The following SHH variants were observed in gnomAD, a reference collection of about 807,000 sequenced individuals.
SHH encodes sonic hedgehog signaling molecule.
SHH carries 3 observed loss-of-function variants against 16.6 expected under a neutral mutation model. The observed-to-expected ratio is 0.18, with a 90% CI of 0.08 to 0.47. SHH has a LOEUF of 0.47. Ranked by LOEUF, SHH falls within the 20% of genes least tolerant of loss-of-function variation. The pLI is 0.98. For missense variants in SHH, 499 were observed against 665.0 expected (o/e 0.75, Z 2.75); for synonymous variants, 351 against 316.2 (o/e 1.11, Z -1.17).
chr7:155,802,881 C>CA lies in SHH; in HGVS notation c.*18_*19insT. Reference sequence around the variant, plus strand: ...CCCCGCCCCGCCCCCTCCCGCGCCCCTCCCCCGGCCCCCCGGCTTCAGCTG... The same window carrying CA: ...CCCCGCCCCGCCCCCTCCCGCGCCCCATCCCCCGGCCCCCCGGCTTCAGCTG... On this transcript the variant is annotated 3_prime_UTR_variant, in exon 3 of 3. Coordinates refer to ENST00000297261, the MANE Select transcript of SHH (RefSeq NM_000193.4). The CA allele has an allele frequency of 1.5e-6, 2 of 1,295,980 alleles. No homozygotes were observed. Among genetic ancestry groups the CA allele is most frequent in the Non-Finnish European group, 2.0e-6 (2 of 1,005,218 alleles). 80.3% of individuals were successfully genotyped at this position (1,295,980 alleles called of 1,614,324 possible).
In SHH at chr7:155,803,088, T is replaced by G. The variant is rs1293200150; in HGVS notation, c.1201A>C (p.Ser401Arg). The G allele has an allele frequency of 1.5e-6, 2 of 1,351,674 alleles. No individual in the cohort carries two copies. The highest frequency in any genetic ancestry group is 1.5e-5 in the African/African-American group (1 of 65,756). 83.7% of individuals were successfully genotyped at this position (1,351,674 alleles called of 1,614,324 possible). ...APARTDRGGD[S>R]GGGDRGGGGG... ...CCGCCCCCGCGGTCCCCGCCGCCGC[T>G]GTCCCCGCCGCGGTCCGTGCGCGCG... The change falls in exon 3 of 3, where the codon AGC becomes CGC. Residue 401 changes from serine (S) to arginine (R), a missense_variant. Ser to Arg is a moderately radical substitution (Grantham distance 110). Coordinates refer to ENST00000297261, the MANE Select transcript of SHH (RefSeq NM_000193.4).
intron 1 of SHH, 73 bp downstream of exon 1, chr7:155,811,750 A>G: frequency 7.0e-7 from 1 of 1,437,702 alleles, no homozygotes; most frequent in Non-Finnish European, 9.8e-7. Context: ...AACAGAGTTA[A>G]GTCTGGAAGT....
chr7:155,804,172 G>A (rs561513864), intron 2 of SHH, among the ~76,000 whole-genome samples: 1 of 151,600 alleles, frequency 6.6e-6, no homozygotes, highest in African/African-American at 2.4e-5. Flanking sequence ...GCCCCGGCGC[G>A]GGGCGCGGCG....
Position 155,800,591 on chromosome 7 carries a change from G to A in SHH, c.*2309C>T. Reference sequence around the variant, plus strand: ...TTCGCTTTCGACTGACTTGAAATCAGACTGAACTGTCAAAAGAACAGAAAC... The same window carrying A: ...TTCGCTTTCGACTGACTTGAAATCAAACTGAACTGTCAAAAGAACAGAAAC... On this transcript the variant is annotated 3_prime_UTR_variant, in exon 3 of 3. Coordinates refer to ENST00000297261, the MANE Select transcript of SHH (RefSeq NM_000193.4). 1 of 470,894 alleles carries A rather than the reference G, an allele frequency of 2.1e-6. No individual in the cohort carries two copies. The highest frequency in any genetic ancestry group is 4.4e-6 in the Non-Finnish European group (1 of 227,042). The allele number at this position is 470,894 out of a possible 1,614,324, so 29.2% of individuals were successfully genotyped here.
chr7:155,805,755 T>C (rs1803342194), intron 2 of SHH, among the ~76,000 whole-genome samples: 1 of 152,154 alleles, frequency 6.6e-6, no homozygotes, highest in Non-Finnish European at 1.5e-5. Flanking sequence ...CGCCTCCAGA[T>C]GCTGGAGGTG....
chr7:155,802,862 C>T lies in SHH; in HGVS notation c.*38G>A, dbSNP rs749390570. ...CTTTGCGTTGCTGTTGCTGCCCCGC[C>T]CCGCCCCCTCCCGCGCCCCTCCCCC... is the stretch of plus-strand genomic sequence containing the variant. On this transcript the variant is annotated 3_prime_UTR_variant, in exon 3 of 3. Transcript: ENST00000297261. 2 of 544,004 alleles carry T rather than the reference C, an allele frequency of 3.7e-6. No homozygotes were observed. Among genetic ancestry groups the T allele is most frequent in the African/African-American group, 2.0e-5 (1 of 50,268 alleles). 33.7% of individuals were successfully genotyped at this position (544,004 alleles called of 1,614,324 possible).
At position 155,806,363 on chromosome 7, in the gene SHH, C is replaced by T. The variant is rs753150772; in HGVS notation, c.495G>A (p.Ala165=). The part of the protein sequence containing the change: ...RSKYGMLARL[A]VEAGFDWVYY... ...ACACCCAGTCGAAGCCGGCCTCCAC[C>T]GCCAGGCGGGCCAGCATGCCGTACT... is the stretch of plus-strand genomic sequence containing the variant. Residue 165 remains alanine, a synonymous_variant, in exon 2 of 3, where the codon GCG becomes GCA. Coordinates refer to ENST00000297261, the MANE Select transcript of SHH (RefSeq NM_000193.4). 2 of 1,613,598 alleles carry T rather than the reference C, an allele frequency of 1.2e-6. No individual in the cohort carries two copies. The highest frequency in any genetic ancestry group is 2.2e-5 in the East Asian group (1 of 44,888).
intron 1 of SHH, among the ~76,000 whole-genome samples, chr7:155,808,506 C>T (rs1484008562): frequency 2.6e-5 from 4 of 152,192 alleles, no homozygotes; most frequent in African/African-American, 9.6e-5. Flanking sequence ...CGGGTCCAGC[C>T]GGGCCGCGAC....
In SHH at chr7:155,800,289, TAAG is replaced by T. The variant is rs1261875277; in HGVS notation, c.*2608_*2610del. The T allele has an allele frequency of 1.1e-5, 5 of 461,004 alleles. No individual in the cohort carries two copies. Among genetic ancestry groups the T allele is most frequent in the East Asian group, 7.0e-5 (1 of 14,338 alleles). The allele number at this position is 461,004 out of a possible 1,614,324, so 28.6% of individuals were successfully genotyped here. ...TAAATATAAAGCAGTGGACGCATCT[TAAG>T]AAGATGGACCAGGAGGGCTGGGGAC... On this transcript the variant is annotated 3_prime_UTR_variant, in exon 3 of 3. Transcript: ENST00000297261.
rs565707042 is a variant in SHH, at chr7:155,811,098, C to CCTTA, written c.300+724_300+725insTAAG. On this transcript the variant is annotated intron_variant, in intron 1 of 2. Coordinates refer to ENST00000297261, the MANE Select transcript of SHH (RefSeq NM_000193.4). ...TCTAAGTCCCTCCCCTAAGGTACCT[C>CCTTA]GGGCTTGGAAGAACGAAAGAGCATC... Among the ~76,000 whole-genome samples, 380 of 152,378 alleles carry CCTTA rather than the reference C, an allele frequency of 2.5e-3. 4 individuals are homozygous for CCTTA. Among genetic ancestry groups the CCTTA allele is most frequent in the African/African-American group, 7.0e-3 (290 of 41,590 alleles).
rs1241897315 is a variant in SHH, at chr7:155,809,196, C to T, written c.300+2627G>A. On this transcript the variant is annotated intron_variant, in intron 1 of 2. Coordinates refer to ENST00000297261, the MANE Select transcript of SHH (RefSeq NM_000193.4). The surrounding 1 kb of genome is among the most constrained non-coding windows in gnomAD (Gnocchi z 6.1). ...CTTTCCTCTCCCGGGTTAATATTAA[C>T]CGGCAGCTCCTGCGTTCCGGAACTG... 1 of 152,236 alleles carries T rather than the reference C, an allele frequency of 6.6e-6. No individual in the cohort carries two copies. Among genetic ancestry groups the T allele is most frequent in the Non-Finnish European group, 1.5e-5 (1 of 68,084 alleles). The allele number at this position is 152,236 out of a possible 1,614,324, so 9.4% of individuals were successfully genotyped here. A position where few individuals can be genotyped will look rare whatever the true frequency, so the allele number is the denominator to read the frequency against.
chr7:155,811,487 G>T (rs1483579814), intron 1 of SHH, among the ~76,000 whole-genome samples: 1 of 152,196 alleles, frequency 6.6e-6, no homozygotes, highest in Admixed American at 6.5e-5. Context: ...AAGGGCCGAC[G>T]CCCCCAAAGT....
chr7:155,810,585 A>C (rs891112240), intron 1 of SHH, among the ~76,000 whole-genome samples: 3 of 152,208 alleles, frequency 2.0e-5, no homozygotes, highest in Non-Finnish European at 4.4e-5. Flanking sequence ...GAGAGCAAGG[A>C]AATCAGGACC....
At chr7:155,811,135 A>G (rs1270843073) in intron 1 of SHH, among the ~76,000 whole-genome samples, 1 of 152,278 alleles carries the variant, frequency 6.6e-6, no homozygotes, top group Non-Finnish European at 1.5e-5. Context: ...TTAAAGAAAT[A>G]TCAATACATT....
intron 1 of SHH, 130 bp downstream of exon 1, chr7:155,811,693 G>A: frequency 7.7e-6 from 7 of 907,076 alleles, no homozygotes; most frequent in Non-Finnish European, 1.3e-5. Flanking sequence ...GGGCAGGTGG[G>A]TGGGGAAGGA....
At chr7:155,810,459 C>T (rs983483075) in intron 1 of SHH, among the ~76,000 whole-genome samples, 1 of 152,250 alleles carries the variant, frequency 6.6e-6, no homozygotes, top group East Asian at 1.9e-4. Context: ...GCCAGCTGCA[C>T]GCAACGGGCA....
In SHH at chr7:155,812,137, T is replaced by C. The variant is rs763008514; in HGVS notation, c.-15A>G. The C allele has an allele frequency of 1.2e-6, 2 of 1,613,676 alleles. No homozygotes were observed. The highest frequency in any genetic ancestry group is 2.2e-5 in the South Asian group (2 of 91,070). On this transcript the variant is annotated 5_prime_UTR_variant, in exon 1 of 3. Transcript: ENST00000297261. ...AGCAGCAGCATCTCGCCCATGGAAC[T>C]GATGACTTCCGAGCTGTCCCCGTGC...
rs1584796659 is a variant in SHH, at chr7:155,803,140, C to A, written c.1149G>T (p.Ala383=). ...GCGCCAGTGCAGCCAGGAGCGCGTG[C>A]GCCAGGCGGAAGGGCGCGAAGGCCC... is the stretch of plus-strand genomic sequence containing the variant. ...AHRAFAPFRL[A]HALLAALAPA... The change falls in exon 3 of 3, where the codon GCG becomes GCT. Residue 383 remains alanine (A), a synonymous_variant. Transcript: ENST00000297261. 2 of 1,414,356 alleles carry A rather than the reference C, an allele frequency of 1.4e-6. No homozygotes were observed. Among genetic ancestry groups the A allele is most frequent in the Admixed American group, 5.4e-5 (2 of 37,006 alleles). The allele number at this position is 1,414,356 out of a possible 1,614,324, so 87.6% of individuals were successfully genotyped here.
At position 155,812,022 on chromosome 7, in the gene SHH, C is replaced by T. The variant is rs1803533630; in HGVS notation, c.101G>A (p.Arg34Lys). Residue 34 changes from arginine (R) to lysine (K), a missense_variant, in exon 1 of 3, where the codon AGG becomes AAG. Arg to Lys is a conservative substitution (Grantham distance 26). Around this residue, in one of 4 missense-constraint regions of SHH, gnomAD observed 75 missense variants for 115.0 expected, o/e 0.65. Transcript: ENST00000297261. ...TAAAGGGGTCAGCTTTTTGGGGTGC[C>T]TCCTCTTCCCGAACCCCCTGCCCGG... ...CGPGRGFGKR[R>K]HPKKLTPLAY... The T allele has an allele frequency of 1.9e-6, 3 of 1,614,048 alleles. No homozygotes were observed. Among genetic ancestry groups the T allele is most frequent in the African/African-American group, 2.7e-5 (2 of 74,934 alleles).
Sources: gnomAD v4.1 joint callset for allele counts (sites outside exome capture counted in the v4.1 genomes callset) on GRCh38, gnomAD v4.1.1 for gene constraint, gnomAD v4.1.1 regional missense constraint, Gnocchi (gnomAD v3.1) non-coding constraint, MANE v1.5 for transcripts, NCBI Gene and HGNC (gene_info 2026-07-23, HGNC 2026-07-21) for gene names.